SERPINI1: variants seen among roughly 807,000 people sequenced by gnomAD.
SERPINI1 encodes serpin family I member 1.
A neutral mutation model predicts 41.1 loss-of-function variants in SERPINI1; 19 were observed. The ratio of observed to expected loss-of-function variants is 0.46; its 90% CI spans 0.32 to 0.68. The LOEUF (loss-of-function observed/expected upper bound fraction) is 0.68, where lower values mean the gene tolerates loss of function less well. Among genes scored for constraint, SERPINI1 ranks in the 30% least tolerant of loss-of-function variants. The pLI, the probability that SERPINI1 is intolerant of heterozygous loss-of-function variation, is 0.03. For synonymous variants in SERPINI1, 138 were observed against 156.6 expected (o/e 0.88, Z 0.89); for missense variants, 460 against 479.2 (o/e 0.96, Z 0.37).
At chr3:167,757,508 T>TCACACACA (rs10663160) in intron 1 of SERPINI1, among the ~76,000 whole-genome samples, 6 of 151,222 alleles carry the variant, frequency 4.0e-5, no homozygotes, top group Admixed American at 6.6e-5. Context: ...TCTCTCTCTC[T>TCACACACA]CTCACACACA....
At chr3:167,822,107 G>A (rs1023236444) in intron 6 of SERPINI1, among the ~76,000 whole-genome samples, 1 of 152,124 alleles carries the variant, frequency 6.6e-6, no homozygotes, top group Non-Finnish European at 1.5e-5. Context: ...GAGCACCATG[G>A]CTCAGCCACG....
chr3:167,785,038 C>G (rs1233824079), intron 1 of SERPINI1, among the ~76,000 whole-genome samples: 1 of 152,058 alleles, frequency 6.6e-6, no homozygotes, highest in Non-Finnish European at 1.5e-5. Context: ...GTCAAGAGAT[C>G]GAGACCATCC....
chr3:167,749,068 A>G (rs1325730658), intron 1 of SERPINI1, among the ~76,000 whole-genome samples: 1 of 152,240 alleles, frequency 6.6e-6, no homozygotes, highest in Admixed American at 6.5e-5. Flanking sequence ...ATATTTATGT[A>G]CATTCAGTTT....
intron 1 of SERPINI1, among the ~76,000 whole-genome samples, chr3:167,760,820 A>G (rs890804316): frequency 1.8e-4 from 28 of 152,174 alleles, no homozygotes; most frequent in Non-Finnish European, 2.9e-5. Context: ...TTTAAGATCA[A>G]TTCATCACAC....
chr3:167,779,368 A>T lies in SERPINI1; in HGVS notation c.-18-9743A>T, dbSNP rs188051511. ...ATTCAGGAAAGGATCCAAAAAGCAA[A>T]TGAATATATAAGCCTTCAGAAATAC... On this transcript the variant is annotated intron_variant, in intron 1 of 8. Transcript: ENST00000446050. Among the ~76,000 whole-genome samples, 296 of 152,334 alleles carry T rather than the reference A, an allele frequency of 1.9e-3. 1 individual carries two copies. Among genetic ancestry groups the T allele is most frequent in the African/African-American group, 7.0e-3 (292 of 41,576 alleles).
In SERPINI1 at chr3:167,794,576, T is replaced by A. The variant is rs753698549; in HGVS notation, c.677-44T>A. On this transcript the variant is annotated intron_variant, in intron 4 of 8. Transcript: ENST00000446050. ...TTCATCTCTCGCCCCCAGCTTTTTT[T>A]AAGCTTTGATAGGCATCTTTTATGG... The A allele has an allele frequency of 3.2e-6, 5 of 1,563,978 alleles. No homozygotes were observed. In the African/African-American group the frequency reaches 4.1e-5, roughly 13 times the overall value.
At chr3:167,811,143 T>C (rs1311459592) in intron 6 of SERPINI1, among the ~76,000 whole-genome samples, 1 of 151,662 alleles carries the variant, frequency 6.6e-6, no homozygotes, top group African/African-American at 2.4e-5. Context: ...CCTGTTAATG[T>C]TGCTATTTTG....
At chr3:167,755,561 G>T (rs886613127) in intron 1 of SERPINI1, among the ~76,000 whole-genome samples, 1 of 152,272 alleles carries the variant, frequency 6.6e-6, no homozygotes, top group Admixed American at 6.5e-5. Flanking sequence ...GGCTGTGGTT[G>T]GTACTGGAAC....
intron 1 of SERPINI1, among the ~76,000 whole-genome samples, chr3:167,750,044 GA>G (rs1375241797): frequency 6.6e-6 from 1 of 152,142 alleles, no homozygotes; most frequent in African/African-American, 2.4e-5. Context: ...CACTTTTCTG[GA>G]AAAACTAAGT....
intron 1 of SERPINI1, among the ~76,000 whole-genome samples, chr3:167,784,014 A>C (rs1017800776): frequency 6.6e-6 from 1 of 152,164 alleles, no homozygotes; most frequent in Admixed American, 6.5e-5. Flanking sequence ...GCCCTCTCCC[A>C]CAAACATAAT....
At chr3:167,766,290 A>G (rs1350328168) in intron 1 of SERPINI1, among the ~76,000 whole-genome samples, 1 of 151,980 alleles carries the variant, frequency 6.6e-6, no homozygotes. Context: ...CTTCACAATC[A>G]TGGCAGAAGG....
intron 6 of SERPINI1, among the ~76,000 whole-genome samples, chr3:167,821,851 T>C (rs944569653): frequency 6.6e-6 from 1 of 152,238 alleles, no homozygotes; most frequent in African/African-American, 2.4e-5. Context: ...CTCATCATTA[T>C]GGAGGCTTTG....
chr3:167,803,239 C>A (rs2108564952), intron 5 of SERPINI1, among the ~76,000 whole-genome samples: 1 of 151,434 alleles, frequency 6.6e-6, no homozygotes, highest in South Asian at 2.1e-4. Flanking sequence ...AACTAACCTG[C>A]ACATTGTGCA....
At chr3:167,790,275 G>A (rs939825175) in intron 2 of SERPINI1, 97 bp from the exon 3 acceptor site, 8 of 892,130 alleles carry the variant, frequency 9.0e-6, no homozygotes, top group South Asian at 4.2e-5. Context: ...GTGCCTGTTT[G>A]GTTAATCTCC....
chr3:167,781,088 G>A (rs1414895540), intron 1 of SERPINI1, among the ~76,000 whole-genome samples: 1 of 149,810 alleles, frequency 6.7e-6, no homozygotes. Flanking sequence ...CACAAAGTGT[G>A]ACCCCCTTTT....
rs954006421 is a variant in SERPINI1, at chr3:167,782,758, G to T, written c.-18-6353G>T. On this transcript the variant is annotated intron_variant, in intron 1 of 8. Transcript: ENST00000446050. ...CTGTTTTAATTGAAGAACCAAGCGG[G>T]TATTCATGAAGGAGACGAAAATAGA... Among the ~76,000 whole-genome samples the T allele has an allele frequency of 5.1e-4, 78 of 152,174 alleles. 1 individual carries two copies. The highest frequency in any genetic ancestry group is 1.8e-3 in the African/African-American group (76 of 41,430).
At chr3:167,825,067 A>G (rs761301202) in intron 8 of SERPINI1, among the ~76,000 whole-genome samples, 180 bp from the exon 9 acceptor site, 2 of 151,796 alleles carry the variant, frequency 1.3e-5, no homozygotes, top group African/African-American at 2.4e-5. Flanking sequence ...GAAGAAAGGA[A>G]AGGAAAGGGA....
intron 1 of SERPINI1, among the ~76,000 whole-genome samples, chr3:167,783,257 T>C (rs1727200686): frequency 6.6e-6 from 1 of 151,796 alleles, no homozygotes; most frequent in Non-Finnish European, 1.5e-5. Context: ...GGTCCCAGGG[T>C]GCAACATGGA....
Position 167,790,390 on chromosome 3 carries a change from TGAA to T in SERPINI1, c.271_273del (p.Lys91del). ...CTTTCAGGTGAAGAATTTTCTTTCT[TGAA>T]GGAGTTTTCAAACATGGTAACTGCT... On this transcript the variant is annotated inframe_deletion, in exon 3 of 9. Coordinates refer to ENST00000446050, the MANE Select transcript of SERPINI1 (RefSeq NM_001122752.2). 1 of 1,613,046 alleles carries T rather than the reference TGAA, an allele frequency of 6.2e-7. No homozygotes were observed. The highest frequency in any genetic ancestry group is 8.5e-7 in the Non-Finnish European group (1 of 1,179,068).
Sources: allele counts gnomAD v4.1 joint callset (sites outside exome capture counted in the v4.1 genomes callset), GRCh38; gene constraint gnomAD v4.1.1; transcripts MANE v1.5; gene names NCBI Gene and HGNC (gene_info 2026-07-23, HGNC 2026-07-21).